Variants in ADPRHL1 observed in about 807,000 individuals in gnomAD.
ADPRHL1 encodes the protein inactive ADP-ribosyltransferase ARH2.
In ADPRHL1, 43 loss-of-function variants were observed where a neutral mutation model predicts 44.1. The observed-to-expected ratio is 0.98, with a 90% CI of 0.76 to 1.26. The LOEUF is 1.26. ADPRHL1 is among the 50% of genes most tolerant of loss of function. The pLI is 0.00. For synonymous variants in ADPRHL1, 878 were observed against 1,017.4 expected (o/e 0.86, Z 2.61); for missense variants, 2,022 against 2,496.9 (o/e 0.81, Z 4.05).
In ADPRHL1 at chr13:113,447,791, C is replaced by T. The variant is rs9577551; in HGVS notation, c.215-3202G>A. Among the ~76,000 whole-genome samples, 38 of 152,248 alleles carry T rather than the reference C, an allele frequency of 2.5e-4. No individual in the cohort carries two copies. In the East Asian group the frequency reaches 6.8e-3, roughly 27 times the overall value. ...AATTAAGGTCACCTTCGCCTGCACCCGAAACCCCTGGATGGGGGTACAGCT... is the reference window on the plus strand; with the variant it reads ...AATTAAGGTCACCTTCGCCTGCACCTGAAACCCCTGGATGGGGGTACAGCT... On this transcript the variant is annotated intron_variant, in intron 1 of 7. Transcript: ENST00000612156.
rs866216915 is a variant in ADPRHL1, at chr13:113,406,099, T to G, written c.3183A>C (p.Thr1061=). ...GPEGVTPMGM[T]VPGALEECRR... ...TGCATTCCTCCAGCGCACCGGGCAC[T>G]GTCATGCCCATCGGGGTGACACCCT... Residue 1061 remains threonine (T), a synonymous_variant, in exon 8 of 8, where the codon ACA becomes ACC. Transcript: ENST00000612156. The G allele has an allele frequency of 7.3e-6, 9 of 1,230,122 alleles. No homozygotes were observed. The highest frequency in any genetic ancestry group is 4.2e-5 in the Admixed American group (1 of 23,700). The allele number at this position is 1,230,122 out of a possible 1,614,324, so 76.2% of individuals were successfully genotyped here.
chr13:113,423,401 G>A (rs1218072307), intron 6 of ADPRHL1, among the ~76,000 whole-genome samples: 2 of 152,188 alleles, frequency 1.3e-5, no homozygotes, highest in Non-Finnish European at 2.9e-5. Flanking sequence ...AAGGCAGAGG[G>A]AGGGGAGCCC....
chr13:113,399,972 G>A lies in ADPRHL1; in HGVS notation c.*3406C>T, dbSNP rs922830832. On this transcript the variant is annotated 3_prime_UTR_variant, in exon 8 of 8. Transcript: ENST00000612156. ...CGCCTGAGTGCACCGCCTCCCGCCC[G>A]GCTGTTGTCACTTGCACCCACAGAC... 2 of 151,624 alleles carry A rather than the reference G, an allele frequency of 1.3e-5. No homozygotes were observed. Among genetic ancestry groups the A allele is most frequent in the Admixed American group, 6.6e-5 (1 of 15,192 alleles). The allele number at this position is 151,624 out of a possible 1,614,324, so 9.4% of individuals were successfully genotyped here.
chr13:113,437,448 A>C (rs2044069361), intron 2 of ADPRHL1, among the ~76,000 whole-genome samples: 1 of 152,130 alleles, frequency 6.6e-6, no homozygotes. Flanking sequence ...TTGACCCTGA[A>C]GCCGCCGGTG....
chr13:113,444,785 G>T (rs982497617), intron 1 of ADPRHL1, among the ~76,000 whole-genome samples, 196 bp from the exon 2 acceptor site: 1 of 152,238 alleles, frequency 6.6e-6, no homozygotes, highest in Non-Finnish European at 1.5e-5. Context: ...ACCACGCCCG[G>T]CTAATTTTTT....
At chr13:113,425,430 T>C (rs1032799115) in intron 4 of ADPRHL1, among the ~76,000 whole-genome samples, 5 of 152,196 alleles carry the variant, frequency 3.3e-5, no homozygotes, top group Non-Finnish European at 5.9e-5. Flanking sequence ...TGAGACGAAG[T>C]CTCCCTCTCG....
intron 3 of ADPRHL1, among the ~76,000 whole-genome samples, chr13:113,429,859 C>T (rs939797505): frequency 6.6e-5 from 10 of 152,248 alleles, no homozygotes; most frequent in African/African-American, 1.9e-4. Flanking sequence ...GCTCAGAGCT[C>T]ATCTTATAGG....
Position 113,444,460 on chromosome 13 carries a change from T to G in ADPRHL1, c.344A>C (p.Tyr115Ser), listed in dbSNP as rs577913936. 1.2e-6 allele frequency: 2 copies of G among 1,613,916 alleles called. No individual in the cohort carries two copies. The highest frequency in any genetic ancestry group is 3.3e-5 in the Admixed American group (2 of 59,982). ...GAACGGTGTGTGCCAGGCGAGAAGG[T>G]AGTTATTGGGCTTTAGCTGAGCACA... ...EGCAQLKPNN[Y>S]LLAWHTPFNE... The change falls in exon 2 of 8, where the codon TAC becomes TCC. Residue 115 changes from tyrosine to serine, a missense_variant. Transcript: ENST00000612156.
rs1383307381 is a variant in ADPRHL1 at position 113,400,165 on chromosome 13, T to TGA, written c.*3211_*3212dup. On this transcript the variant is annotated 3_prime_UTR_variant, in exon 8 of 8. Coordinates refer to ENST00000612156, the MANE Select transcript of ADPRHL1 (RefSeq NM_001394807.1). ...CTTTTCTTCTTTTTTTTTTTTTTTT[T>TGA]GACGGAGTCTCGCTCTGTCACCCAG... 1.4e-4 allele frequency: 20 copies of TGA among 145,620 alleles called. No homozygotes were observed. The highest frequency in any genetic ancestry group is 4.4e-4 in the African/African-American group (17 of 38,318). The allele number at this position is 145,620 out of a possible 1,614,324, so 9.0% of individuals were successfully genotyped here. A position where few individuals can be genotyped will look rare whatever the true frequency, so the allele number is the denominator to read the frequency against.
At chr13:113,449,054 C>T (rs756465508) in intron 1 of ADPRHL1, 7 of 987,098 alleles carry the variant, frequency 7.1e-6, no homozygotes, top group Admixed American at 6.1e-5. Flanking sequence ...ATGGGCTTGT[C>T]GTTTCAGGGC....
At chr13:113,437,051 A>T (rs1456213287) in intron 2 of ADPRHL1, among the ~76,000 whole-genome samples, 1 of 147,608 alleles carries the variant, frequency 6.8e-6, no homozygotes, top group Non-Finnish European at 1.5e-5. Context: ...CGCAGGGTGA[A>T]CATAGGTGTA....
chr13:113,413,485 G>A (rs2043870635), intron 7 of ADPRHL1, among the ~76,000 whole-genome samples: 1 of 152,234 alleles, frequency 6.6e-6, no homozygotes, highest in African/African-American at 2.4e-5. Context: ...GGGGGGCCCA[G>A]GACTTTCGGC....
At position 113,409,310 on chromosome 13, in the gene ADPRHL1, G is replaced by C; in HGVS notation, c.1062-1090C>G. On this transcript the variant is annotated intron_variant, in intron 7 of 7. Coordinates refer to ENST00000612156, the MANE Select transcript of ADPRHL1 (RefSeq NM_001394807.1). The surrounding 1 kb of genome is among the most constrained non-coding windows in gnomAD (Gnocchi z 4.2). ...GGTGGAGCCGTCTCTGACCTCCCCAGATGATAATTTTGGGTAGACGCACCC... is the reference window on the plus strand; with the variant it reads ...GGTGGAGCCGTCTCTGACCTCCCCACATGATAATTTTGGGTAGACGCACCC... 1 of 985,404 alleles carries C rather than the reference G, an allele frequency of 1.0e-6. No individual in the cohort carries two copies. 61.0% of individuals were successfully genotyped at this position (985,404 alleles called of 1,614,324 possible). A position where few individuals can be genotyped will look rare whatever the true frequency, so the allele number is the denominator to read the frequency against.
intron 5 of ADPRHL1, among the ~76,000 whole-genome samples, chr13:113,424,592 T>G (rs1400768694): frequency 6.6e-6 from 1 of 151,220 alleles, no homozygotes; most frequent in Non-Finnish European, 1.5e-5. Flanking sequence ...GTAGTTGGGA[T>G]TACAGGCGTA....
At chr13:113,422,685 C>T in intron 7 of ADPRHL1, 141 bp downstream of exon 7, 2 of 1,033,480 alleles carry the variant, frequency 1.9e-6, no homozygotes, top group Non-Finnish European at 1.4e-6. Flanking sequence ...AAATTGGAAA[C>T]AGAGAGTTAG....
intron 6 of ADPRHL1, among the ~76,000 whole-genome samples, chr13:113,423,604 G>A (rs1050965961): frequency 6.6e-6 from 1 of 152,242 alleles, no homozygotes; most frequent in African/African-American, 2.4e-5. Flanking sequence ...AACCATAACA[G>A]CTGCTCCCAC....
chr13:113,422,877 T>G lies in ADPRHL1; in HGVS notation c.1010A>C (p.Glu337Ala). 2.5e-6 allele frequency: 4 copies of G among 1,612,944 alleles called. No homozygotes were observed. The highest frequency in any genetic ancestry group is 3.4e-6 in the Non-Finnish European group (4 of 1,179,990). ...AGCCGCGCCCAGGTCCTCCAGCTTCTCCTTGTCCTCCAGGTCCTGGTACAA... is the reference window on the plus strand; with the variant it reads ...AGCCGCGCCCAGGTCCTCCAGCTTCGCCTTGTCCTCCAGGTCCTGGTACAA... ...KGLYQDLEDKEKLEDLGAALY... is the reference protein window; with the variant it reads ...KGLYQDLEDKAKLEDLGAALY... The change falls in exon 7 of 8, where the codon GAG becomes GCG. Residue 337 changes from glutamate (E) to alanine (A), a missense_variant. Around this residue, in one of 8 missense-constraint regions of ADPRHL1, gnomAD observed 1,221 missense variants for 1,517.8 expected, o/e 0.80. Coordinates refer to ENST00000612156, the MANE Select transcript of ADPRHL1 (RefSeq NM_001394807.1).
chr13:113,424,342 C>T lies in ADPRHL1; in HGVS notation c.782G>A (p.Arg261Lys). The change falls in exon 6 of 8, where the codon AGG (arginine) becomes AAG (lysine). Residue 261 changes from arginine to lysine, a missense_variant. Physicochemically the swap from Arg to Lys is conservative, Grantham distance 26 (BLOSUM62 2). Transcript: ENST00000612156. ...CCCTCGACCTTCCGAGCTCCACTTC[C>T]TGTAGGTCTGACAAGAGAGCCGTGG... ...YDAEEREKTY[R>K]KWSSEGRGGR... is the part of the protein sequence containing the mutation. 1 of 1,612,792 alleles carries T rather than the reference C, an allele frequency of 6.2e-7. No individual in the cohort carries two copies. Among genetic ancestry groups the T allele is most frequent in the Non-Finnish European group, 8.5e-7 (1 of 1,179,892 alleles).
Position 113,401,203 on chromosome 13 carries a change from C to T in ADPRHL1, c.*2175G>A, listed in dbSNP as rs959038897. The T allele has an allele frequency of 6.6e-6, 1 of 152,168 alleles. No individual in the cohort carries two copies. Among genetic ancestry groups the T allele is most frequent in the Admixed American group, 6.5e-5 (1 of 15,284 alleles). The allele number at this position is 152,168 out of a possible 1,614,324, so 9.4% of individuals were successfully genotyped here. A position where few individuals can be genotyped will look rare whatever the true frequency, so the allele number is the denominator to read the frequency against. On this transcript the variant is annotated 3_prime_UTR_variant, in exon 8 of 8. Coordinates refer to ENST00000612156, the MANE Select transcript of ADPRHL1 (RefSeq NM_001394807.1). This position sits in a 1 kb window ranked among gnomAD's most constrained non-coding sequence, Gnocchi z 5.5. Reference sequence around the variant, plus strand: ...CCCAGGCATGAGCAGGGGCCGCCAACAGGACAAAGAGGCCACTCTGTCAGC... The same window carrying T: ...CCCAGGCATGAGCAGGGGCCGCCAATAGGACAAAGAGGCCACTCTGTCAGC...
Sources: allele counts gnomAD v4.1 joint callset (sites outside exome capture counted in the v4.1 genomes callset), GRCh38; gene constraint gnomAD v4.1.1; regional missense constraint gnomAD v4.1.1; non-coding constraint Gnocchi (gnomAD v3.1); transcripts MANE v1.5; gene names NCBI Gene and HGNC (gene_info 2026-07-23, HGNC 2026-07-21).